Variants in HK1 observed in about 807,000 individuals in gnomAD.
The protein encoded by HK1 is hexokinase 1.
Under a neutral mutation model 91.6 loss-of-function variants are expected in HK1, and 28 were observed. That is an observed-to-expected ratio of 0.31 (90% confidence interval 0.23 to 0.42). The LOEUF (loss-of-function observed/expected upper bound fraction) is 0.42, where lower values mean the gene tolerates loss of function less well. Ranked by LOEUF, HK1 falls within the 10% of genes least tolerant of loss-of-function variation. The probability of loss-of-function intolerance (pLI) is 1.00; values close to 1 mark genes in which losing one functional copy is unlikely to be tolerated. For missense variants in HK1, 770 were observed against 1,219.8 expected (o/e 0.63, Z 5.49); for synonymous variants, 430 against 468.1 (o/e 0.92, Z 1.05).
At position 69,390,506 on chromosome 10, in the gene HK1, G is replaced by A. The variant is rs540871572; in HGVS notation, c.2035+1210G>A. ...GCATCTCCCACTCCCATCATCTTCCGTTTCTGGAGCTCCTCTTCTCTCAGT... is the reference window on the plus strand; with the variant it reads ...GCATCTCCCACTCCCATCATCTTCCATTTCTGGAGCTCCTCTTCTCTCAGT... On this transcript the variant is annotated intron_variant, in intron 14 of 17. Coordinates refer to ENST00000359426, the MANE Select transcript of HK1 (RefSeq NM_000188.3). Among the ~76,000 whole-genome samples, 17 of 152,314 alleles carry A rather than the reference G, an allele frequency of 1.1e-4. No homozygotes were observed. The East Asian group carries it at 1.3e-3, about 12-fold the overall frequency.
intron 1 of HK1, among the ~76,000 whole-genome samples, chr10:69,281,428 T>C (rs531551523): frequency 6.6e-6 from 1 of 152,334 alleles, no homozygotes; most frequent in Non-Finnish European, 1.5e-5. Context: ...CTTCCTCCTC[T>C]TTCTCTTCCT....
chr10:69,310,070 A>G (rs1396820367), intron 5 of HK1, among the ~76,000 whole-genome samples: 1 of 146,850 alleles, frequency 6.8e-6, no homozygotes, highest in East Asian at 2.0e-4. Context: ...AAAAAAAGAG[A>G]TTGTACCACT....
upstream of HK1, chr10:69,318,306 G>T (rs1298182301): frequency 1.2e-6 from 1 of 851,622 alleles, no homozygotes; most frequent in Non-Finnish European, 1.4e-6. Context: ...AGCGTCCCCG[G>T]CTCCCGCTTC....
At chr10:69,327,396 T>C (rs955332562) in intron 1 of HK1, among the ~76,000 whole-genome samples, 12 of 152,242 alleles carry the variant, frequency 7.9e-5, no homozygotes, top group Non-Finnish European at 4.4e-5. Flanking sequence ...AATGTTGATC[T>C]ACGTAACTGT....
intron 1 of HK1, among the ~76,000 whole-genome samples, chr10:69,282,072 A>G (rs1188877020): frequency 1.3e-5 from 2 of 152,168 alleles, no homozygotes. Flanking sequence ...CCTAAGTACA[A>G]CACCCAGCTC....
intron 4 of HK1, 100 bp from the exon 5 acceptor site, chr10:69,368,436 A>G (rs903407232): frequency 1.2e-5 from 12 of 1,030,792 alleles, no homozygotes; most frequent in East Asian, 9.8e-5. Context: ...CTTGGCCCCT[A>G]TGGGCTTCTG....
intron 5 of HK1, among the ~76,000 whole-genome samples, chr10:69,309,199 T>TC (rs1846241521): frequency 6.7e-6 from 1 of 150,264 alleles, no homozygotes. Context: ...TTTTTTTTTT[T>TC]GAGACAGAGT....
At chr10:69,394,295 G>A (rs1441023987) in intron 15 of HK1, among the ~76,000 whole-genome samples, 1 of 152,224 alleles carries the variant, frequency 6.6e-6, no homozygotes, top group Non-Finnish European at 1.5e-5. Flanking sequence ...TCCCTCCTGT[G>A]TGGCCTCATC....
intron 5 of HK1, among the ~76,000 whole-genome samples, chr10:69,310,690 G>A (rs923548912): frequency 1.2e-4 from 18 of 152,178 alleles, no homozygotes; most frequent in African/African-American, 4.3e-4. Context: ...CTGAGAACAT[G>A]TGCCCCAAGC....
intron 4 of HK1, among the ~76,000 whole-genome samples, chr10:69,367,254 G>T (rs902434157): frequency 6.6e-6 from 1 of 152,174 alleles, no homozygotes; most frequent in South Asian, 2.1e-4. Context: ...TTGCTGTGGC[G>T]CCAGTGGAGC....
intron 14 of HK1, 78 bp from the exon 15 acceptor site, chr10:69,392,047 G>A: frequency 6.1e-6 from 9 of 1,469,128 alleles, no homozygotes; most frequent in Non-Finnish European, 8.6e-6. Flanking sequence ...TGGAACCTCA[G>A]GCCCCAGACC....
At chr10:69,382,237 A>T (rs570894677) in intron 9 of HK1, among the ~76,000 whole-genome samples, 1 of 152,228 alleles carries the variant, frequency 6.6e-6, no homozygotes, top group African/African-American at 2.4e-5. Flanking sequence ...AAAAATACAA[A>T]AAAGTTAGCC....
rs1178879675 is a variant in HK1, at chr10:69,395,125, C to T, written c.2375+20C>T. The T allele has an allele frequency of 4.3e-6, 7 of 1,611,362 alleles. No individual in the cohort carries two copies. The South Asian group carries it at 5.5e-5, about 13-fold the overall frequency. On this transcript the variant is annotated intron_variant, in intron 16 of 17. Transcript: ENST00000359426. The stretch of plus-strand genomic sequence containing the variant: ...CGAGAGGTGAGTGGGCAGTGTCTTC[C>T]CTGCCAGCGCCCACCCTTCAGAGGT...
At chr10:69,318,042 G>T (rs758642806), upstream of HK1, 17 of 985,444 alleles carry the variant, frequency 1.7e-5, no homozygotes, top group Non-Finnish European at 2.0e-5. Context: ...GAGGCCCAGA[G>T]GATGGGGACA....
intron 16 of HK1, among the ~76,000 whole-genome samples, 199 bp downstream of exon 16, chr10:69,395,304 G>A (rs775524531): frequency 1.3e-4 from 20 of 152,308 alleles, no homozygotes; most frequent in Admixed American, 8.5e-4. Flanking sequence ...TTGGCCTGGT[G>A]TGGTGGCTCA....
intron 1 of HK1, chr10:69,270,876 G>T (rs1844121950): frequency 1.3e-5 from 2 of 152,200 alleles, no homozygotes; most frequent in Non-Finnish European, 2.9e-5. Flanking sequence ...CTGGCATTGA[G>T]TAGCAATTGA....
At chr10:69,330,520 G>A (rs531796087) in intron 1 of HK1, among the ~76,000 whole-genome samples, 4 of 152,128 alleles carry the variant, frequency 2.6e-5, no homozygotes, top group East Asian at 3.9e-4. Context: ...GAACCAGAAC[G>A]GTGGTCCAGG....
chr10:69,330,954 A>G (rs1386151649), intron 1 of HK1, among the ~76,000 whole-genome samples: 1 of 149,766 alleles, frequency 6.7e-6, no homozygotes, highest in Non-Finnish European at 1.5e-5. Context: ...GTCTCGGCTC[A>G]CTGCAGCCTC....
At chr10:69,344,131 C>T (rs1434847651) in intron 2 of HK1, 142 bp downstream of exon 2, 23 of 850,866 alleles carry the variant, frequency 2.7e-5, no homozygotes, top group South Asian at 2.4e-4. Context: ...ATCCATCCAT[C>T]CGCTGATCCA....
Sources: allele counts gnomAD v4.1 joint callset (sites outside exome capture counted in the v4.1 genomes callset), GRCh38; gene constraint gnomAD v4.1.1; transcripts MANE v1.5; gene names NCBI Gene and HGNC (gene_info 2026-07-23, HGNC 2026-07-21).